NREP: variants seen among roughly 807,000 people sequenced by gnomAD.
NREP encodes the protein neuronal regeneration related protein.
In NREP, 5 loss-of-function variants were observed where a neutral mutation model predicts 8.6. That is an observed-to-expected ratio of 0.58 (90% CI 0.30 to 1.22). The LOEUF (loss-of-function observed/expected upper bound fraction) is 1.22, where lower values mean the gene tolerates loss of function less well. Ranked by LOEUF, NREP falls within the 50% of genes most tolerant of loss-of-function variation. NREP has a pLI of 0.07. For synonymous variants in NREP, 27 were observed against 28.0 expected (o/e 0.96, Z 0.11); for missense variants, 86 against 82.5 (o/e 1.04, Z -0.17).
chr5:111,889,526 A>G (rs1454473790), intron 2 of NREP, among the ~76,000 whole-genome samples: 1 of 152,164 alleles, frequency 6.6e-6, no homozygotes, highest in East Asian at 1.9e-4. Flanking sequence ...TCCTTCTCAC[A>G]TTGCAAAATA....
rs573073647 is a variant in NREP at position 111,751,186 on chromosome 5, T to C, written c.3+4584A>G. ...GCACTATATGAAGTTTATAAAACCT[T>C]CTGGGGCCTATAATTTAGTTGAGCA... On this transcript the variant is annotated intron_variant, in intron 2 of 3. Coordinates refer to ENST00000257435, the MANE Select transcript of NREP (RefSeq NM_004772.4). 4.6e-5 allele frequency among the ~76,000 whole-genome samples: 7 copies of C among 152,338 alleles called. 1 individual carries two copies. Among genetic ancestry groups the C allele is most frequent in the African/African-American group, 1.7e-4 (7 of 41,588 alleles).
intron 2 of NREP, among the ~76,000 whole-genome samples, chr5:111,885,761 C>T (rs1021499454): frequency 5.3e-5 from 8 of 152,182 alleles, no homozygotes; most frequent in Non-Finnish European, 7.3e-5. Context: ...GGAAAACTGG[C>T]TAGCCATATG....
chr5:111,741,248 T>G (rs1387727882), intron 2 of NREP, among the ~76,000 whole-genome samples: 1 of 152,154 alleles, frequency 6.6e-6, no homozygotes, highest in Admixed American at 6.6e-5. Context: ...AAGGGGTATA[T>G]TTCATAATCT....
At chr5:111,867,453 C>G (rs571754077) in intron 2 of NREP, among the ~76,000 whole-genome samples, 1 of 152,220 alleles carries the variant, frequency 6.6e-6, no homozygotes, top group South Asian at 2.1e-4. Context: ...TATAAGGCCA[C>G]CAATGCTGTT....
exon 1 of NREP, chr5:111,976,813 A>G: frequency 7.9e-7 from 1 of 1,268,968 alleles, no homozygotes; most frequent in Non-Finnish European, 1.1e-6. Context: ...GGAGTTGGCC[A>G]GACAGCTCAG....
chr5:111,796,151 A>G lies in NREP; in HGVS notation c.136-60644T>C, dbSNP rs114883164. Among the ~76,000 whole-genome samples, 1,188 of 152,262 alleles carry G rather than the reference A, an allele frequency of 7.8e-3. 25 individuals are homozygous for G. The highest frequency in any genetic ancestry group is 0.027 in the African/African-American group (1,140 of 41,554). On this transcript the variant is annotated intron_variant, in intron 2 of 3. Coordinates refer to the NREP transcript ENST00000395634. Reference sequence around the variant, plus strand: ...TTTTTAGCTTCTAAAAGTCAACTGCATTACTTGGCTGGTGACTCCTTCCTC... The same window carrying G: ...TTTTTAGCTTCTAAAAGTCAACTGCGTTACTTGGCTGGTGACTCCTTCCTC...
intron 2 of NREP, among the ~76,000 whole-genome samples, chr5:111,931,107 C>T (rs1278956984): frequency 6.6e-6 from 1 of 152,004 alleles, no homozygotes; most frequent in East Asian, 1.9e-4. Flanking sequence ...TCTTATCTTG[C>T]CCCTTCTTCT....
chr5:111,755,783 TTAGTCTTGGGCTTC>T lies in NREP; in HGVS notation c.-25_-12del, dbSNP rs926194674. ...ACCAAGTCTTACCATTTTGAGAATC[TTAGTCTTGGGCTTC>T]TATTCTCCCTCTCTTCAGTCCAGGG... On this transcript the variant is annotated 5_prime_UTR_variant, in exon 2 of 4. Transcript: ENST00000257435. The T allele has an allele frequency of 5.0e-6, 8 of 1,613,882 alleles. No homozygotes were observed. Among genetic ancestry groups the T allele is most frequent in the Non-Finnish European group, 5.9e-6 (7 of 1,179,792 alleles).
chr5:111,847,131 A>C (rs1753196561), intron 2 of NREP, among the ~76,000 whole-genome samples: 1 of 150,854 alleles, frequency 6.6e-6, no homozygotes, highest in Non-Finnish European at 1.5e-5. Context: ...TTTTTTACAC[A>C]CTGTCTTGGT....
chr5:111,971,452 C>A (rs1039476344), intron 2 of NREP, among the ~76,000 whole-genome samples: 3 of 152,146 alleles, frequency 2.0e-5, no homozygotes, highest in African/African-American at 7.2e-5. Flanking sequence ...CTGGAGGCAT[C>A]ACACTACCTG....
chr5:111,835,846 A>T (rs192398678), intron 2 of NREP, among the ~76,000 whole-genome samples: 1 of 152,218 alleles, frequency 6.6e-6, no homozygotes, highest in African/African-American at 2.4e-5. Flanking sequence ...GGACAAAATG[A>T]TTTCTTGACC....
At chr5:111,861,639 C>G (rs557032154) in intron 2 of NREP, among the ~76,000 whole-genome samples, 3 of 152,082 alleles carry the variant, frequency 2.0e-5, no homozygotes, top group East Asian at 1.9e-4. Context: ...TGCTGTATTG[C>G]TATAGAGAAT....
intron 2 of NREP, among the ~76,000 whole-genome samples, chr5:111,915,294 T>C (rs1282368897): frequency 6.6e-6 from 1 of 152,108 alleles, no homozygotes; most frequent in African/African-American, 2.4e-5. Context: ...GTCCAGGGAC[T>C]TTGCCTGAAA....
At chr5:111,777,547 G>A (rs144167913) in intron 2 of NREP, among the ~76,000 whole-genome samples, 8 of 152,234 alleles carry the variant, frequency 5.3e-5, no homozygotes, top group African/African-American at 1.4e-4. Context: ...TTAGAGAGGT[G>A]AGACATCTAG....
chr5:111,969,841 T>C (rs1756753464), intron 2 of NREP, among the ~76,000 whole-genome samples: 1 of 152,128 alleles, frequency 6.6e-6, no homozygotes, highest in Non-Finnish European at 1.5e-5. Flanking sequence ...AAGCTGAGGG[T>C]CACTGGGTAA....
At chr5:111,968,177 C>A in intron 2 of NREP, among the ~76,000 whole-genome samples, 1 of 151,252 alleles carries the variant, frequency 6.6e-6, no homozygotes, top group African/African-American at 2.4e-5. Flanking sequence ...CTTTAGAAAC[C>A]AAGTAAATTA....
chr5:111,764,775 TAAACCCC>T (rs1751042256), intron 2 of NREP, among the ~76,000 whole-genome samples: 1 of 152,180 alleles, frequency 6.6e-6, no homozygotes. Flanking sequence ...CCCAAGAAGG[TAAACCCC>T]TGACAGAAAC....
chr5:111,866,018 T>G (rs1429058367), intron 2 of NREP, among the ~76,000 whole-genome samples: 1 of 152,148 alleles, frequency 6.6e-6, no homozygotes, highest in Non-Finnish European at 1.5e-5. Flanking sequence ...TCCATTGCCT[T>G]AAAATGCAGA....
intron 2 of NREP, among the ~76,000 whole-genome samples, chr5:111,804,037 G>C (rs754755650): frequency 6.6e-6 from 1 of 152,098 alleles, no homozygotes; most frequent in Non-Finnish European, 1.5e-5. Flanking sequence ...TTCCAAAGTT[G>C]CATGGAACTC....
Sources: gnomAD v4.1 joint callset for allele counts (sites outside exome capture counted in the v4.1 genomes callset) on GRCh38, gnomAD v4.1.1 for gene constraint, MANE v1.5 for transcripts, NCBI Gene and HGNC (gene_info 2026-07-23, HGNC 2026-07-21) for gene names.